ARID5B: variants seen among roughly 807,000 people sequenced by gnomAD.
The protein encoded by ARID5B is AT-rich interactive domain-containing protein 5B.
ARID5B carries 13 observed loss-of-function variants against 97.2 expected under a neutral mutation model. The observed-to-expected ratio is 0.13, with a 90% CI of 0.09 to 0.21. The LOEUF is 0.21. Among genes scored for constraint, ARID5B ranks in the 10% least tolerant of loss-of-function variants. The probability of loss-of-function intolerance (pLI) is 1.00; values close to 1 mark genes in which losing one functional copy is unlikely to be tolerated. For synonymous variants in ARID5B, 556 were observed against 570.3 expected, an observed-to-expected ratio of 0.97 and a Z score of 0.36; for missense variants, 1,210 against 1,465.3, an observed-to-expected ratio of 0.83 and a Z score of 2.84.
intron 3 of ARID5B, among the ~76,000 whole-genome samples, chr10:61,959,899 A>T (rs1329482438): frequency 1.3e-5 from 2 of 152,180 alleles, no homozygotes; most frequent in African/African-American, 2.4e-5. Context: ...GTCTACCCAG[A>T]AAACGTTTAC....
chr10:62,005,891 C>A (rs1407066018), intron 4 of ARID5B, among the ~76,000 whole-genome samples: 1 of 152,172 alleles, frequency 6.6e-6, no homozygotes, highest in East Asian at 1.9e-4. Flanking sequence ...GTTTCATGGT[C>A]ACAGTGGATT....
rs1839225182 is a variant in ARID5B, at chr10:62,012,060, A to G, written c.733+11739A>G. 2.0e-5 allele frequency among the ~76,000 whole-genome samples: 3 copies of G among 152,154 alleles called. No homozygotes were observed. The South Asian group carries it at 6.2e-4, about 31-fold the overall frequency. On this transcript the variant is annotated intron_variant, in intron 4 of 9. Coordinates refer to ENST00000279873, the MANE Select transcript of ARID5B (RefSeq NM_032199.3). ...ATATGTTTTTCAAAATATTTTTCTCATTATGAAGTTATTTCTATTACGAAA... is the reference window on the plus strand; with the variant it reads ...ATATGTTTTTCAAAATATTTTTCTCGTTATGAAGTTATTTCTATTACGAAA...
chr10:62,067,885 C>T (rs1031967537), intron 7 of ARID5B, among the ~76,000 whole-genome samples: 1 of 152,192 alleles, frequency 6.6e-6, no homozygotes, highest in Admixed American at 6.5e-5. Context: ...AGACAGTGTA[C>T]ACAGGAGACA....
chr10:62,068,364 A>C (rs892114917), intron 7 of ARID5B, among the ~76,000 whole-genome samples: 1 of 152,058 alleles, frequency 6.6e-6, no homozygotes, highest in Non-Finnish European at 1.5e-5. Context: ...CACAGCTAAC[A>C]TTGTCTCGAG....
At chr10:62,060,520 G>T (rs552666797) in intron 7 of ARID5B, among the ~76,000 whole-genome samples, 32 of 152,172 alleles carry the variant, frequency 2.1e-4, no homozygotes, top group African/African-American at 7.2e-4. Flanking sequence ...TTTATCAAGT[G>T]ACCTATGTAA....
At chr10:62,049,920 G>T (rs757548467) in intron 4 of ARID5B, among the ~76,000 whole-genome samples, 4 of 152,322 alleles carry the variant, frequency 2.6e-5, no homozygotes, top group Non-Finnish European at 5.9e-5. Context: ...AAATTGTTTA[G>T]GGTATAATTC....
chr10:61,902,105 G>A (rs1351124121), intron 1 of ARID5B, 54 bp from the exon 2 acceptor site: 2 of 1,599,932 alleles, frequency 1.3e-6, no homozygotes, highest in Non-Finnish European at 8.5e-7. Flanking sequence ...GGGAATAGAT[G>A]TTTGTGCTCT....
chr10:62,055,097 C>T (rs1375186179), intron 5 of ARID5B, among the ~76,000 whole-genome samples: 1 of 152,140 alleles, frequency 6.6e-6, no homozygotes, highest in African/African-American at 2.4e-5. Context: ...CTAGATTTGT[C>T]TTTTGCTTTT....
At chr10:61,929,626 C>G (rs1844169214) in intron 2 of ARID5B, among the ~76,000 whole-genome samples, 1 of 152,190 alleles carries the variant, frequency 6.6e-6, no homozygotes, top group Admixed American at 6.5e-5. Context: ...TGGCTTTGCT[C>G]TGTGAGGTTG....
chr10:61,935,376 C>T (rs1446251078), intron 2 of ARID5B, among the ~76,000 whole-genome samples: 1 of 152,072 alleles, frequency 6.6e-6, no homozygotes, highest in Admixed American at 6.6e-5. Flanking sequence ...CATAAGAACT[C>T]TGCAGAAAGG....
rs761017147 is a variant in ARID5B at position 61,911,614 on chromosome 10, A to G, written c.276+9201A>G. On this transcript the variant is annotated intron_variant, in intron 2 of 9. Transcript: ENST00000279873. Reference sequence around the variant, plus strand: ...TTCCAGTCCTGGAGTAGTCATTCTCATTTGATTTAACATCTTTCTTTGCAC... The same window carrying G: ...TTCCAGTCCTGGAGTAGTCATTCTCGTTTGATTTAACATCTTTCTTTGCAC... 3.3e-5 allele frequency among the ~76,000 whole-genome samples: 5 copies of G among 152,228 alleles called. No homozygotes were observed. In the South Asian group the frequency reaches 8.3e-4, roughly 25 times the overall value.
intron 4 of ARID5B, among the ~76,000 whole-genome samples, chr10:62,031,199 A>G (rs562651431): frequency 2.0e-5 from 3 of 152,278 alleles, no homozygotes; most frequent in South Asian, 4.1e-4. Flanking sequence ...ATGCCATTGC[A>G]CTCCAGCCTG....
At chr10:61,967,715 C>T (rs562032476) in intron 3 of ARID5B, among the ~76,000 whole-genome samples, 1 of 152,300 alleles carries the variant, frequency 6.6e-6, no homozygotes, top group South Asian at 2.1e-4. Flanking sequence ...AGAATGTAGA[C>T]ACAGCCTCCA....
rs533116387 is a variant in ARID5B at position 61,961,080 on chromosome 10, C to T, written c.502+20672C>T. On this transcript the variant is annotated intron_variant, in intron 3 of 9. Transcript: ENST00000279873. Reference sequence around the variant, plus strand: ...TGGTAGCATTATTAAACTCTTAAGCCTTAAATCAGGATATCCTAGACTTTA... The same window carrying T: ...TGGTAGCATTATTAAACTCTTAAGCTTTAAATCAGGATATCCTAGACTTTA... Among the ~76,000 whole-genome samples the T allele has an allele frequency of 2.0e-5, 3 of 152,312 alleles. No homozygotes were observed. The South Asian group carries it at 6.2e-4, about 32-fold the overall frequency.
chr10:61,916,097 A>C (rs546777638), intron 2 of ARID5B, among the ~76,000 whole-genome samples: 2 of 152,198 alleles, frequency 1.3e-5, no homozygotes, highest in Non-Finnish European at 2.9e-5. Flanking sequence ...TCTGTCACCC[A>C]GGCTGGAGTG....
chr10:62,045,309 T>C (rs1247132514), intron 4 of ARID5B, among the ~76,000 whole-genome samples: 1 of 152,228 alleles, frequency 6.6e-6, no homozygotes, highest in Non-Finnish European at 1.5e-5. Context: ...GTTCTATTTT[T>C]GTTGTAATGA....
At chr10:61,907,161 G>A (rs1357758100) in intron 2 of ARID5B, among the ~76,000 whole-genome samples, 2 of 152,290 alleles carry the variant, frequency 1.3e-5, no homozygotes, top group East Asian at 3.9e-4. Flanking sequence ...CTTTAGCTGT[G>A]TCACCAAAAT....
chr10:62,090,712 T>C lies in ARID5B; in HGVS notation c.1399-150T>C, dbSNP rs755606661. ...TAGATTTCTTTGTTTAGAGCCATGA[T>C]TGGGGAGTAATAAAGCTTTACAGAA... is the stretch of plus-strand genomic sequence containing the variant. On this transcript the variant is annotated intron_variant, in intron 9 of 9. Transcript: ENST00000279873. 4.2e-5 allele frequency: 39 copies of C among 926,014 alleles called. No homozygotes were observed. The Middle Eastern group carries it at 1.0e-3, about 24-fold the overall frequency. The allele number at this position is 926,014 out of a possible 1,614,324, so 57.4% of individuals were successfully genotyped here. A position where few individuals can be genotyped will look rare whatever the true frequency, so the allele number is the denominator to read the frequency against.
intron 2 of ARID5B, among the ~76,000 whole-genome samples, chr10:61,913,110 A>G (rs1041281289): frequency 1.1e-4 from 17 of 152,186 alleles, no homozygotes; most frequent in Non-Finnish European, 1.5e-5. Context: ...TGCACTGTGG[A>G]AAAGACGCTG....
Sources: gnomAD v4.1 joint callset for allele counts (sites outside exome capture counted in the v4.1 genomes callset) on GRCh38, gnomAD v4.1.1 for gene constraint, MANE v1.5 for transcripts, NCBI Gene and HGNC (gene_info 2026-07-23, HGNC 2026-07-21) for gene names.